The following HDAC5 variants were observed in gnomAD, a reference collection of about 807,000 sequenced individuals.
The protein encoded by HDAC5 is histone deacetylase 5, also known as antigen NY-CO-9.
Under a neutral mutation model 133.3 loss-of-function variants are expected in HDAC5, and 25 were observed. That is an observed-to-expected ratio of 0.19 (90% CI 0.14 to 0.26). HDAC5 has a LOEUF of 0.26. HDAC5 is among the 10% of genes least tolerant of loss of function. The pLI is 1.00. For synonymous variants in HDAC5, 589 were observed against 610.8 expected (o/e 0.96, Z 0.53); for missense variants, 1,041 against 1,460.5 (o/e 0.71, Z 4.68).
intron 2 of HDAC5, chr17:44,111,554 C>T (rs2052345916): frequency 2.0e-6 from 1 of 510,262 alleles, no homozygotes; most frequent in Non-Finnish European, 3.9e-6. Flanking sequence ...AGAAGCCAGA[C>T]TCAAGCCTCC....
intron 3 of HDAC5, among the ~76,000 whole-genome samples, chr17:44,099,546 C>T (rs903620400): frequency 6.6e-6 from 1 of 151,828 alleles, no homozygotes; most frequent in Non-Finnish European, 1.5e-5. Context: ...GCGATCTCGG[C>T]TCACTGCAAG....
intron 2 of HDAC5, among the ~76,000 whole-genome samples, chr17:44,116,201 G>A (rs2052636093): frequency 6.6e-6 from 1 of 152,230 alleles, no homozygotes; most frequent in Non-Finnish European, 1.5e-5. Flanking sequence ...ACAACTCAGA[G>A]GAAAGAAGTA....
rs1177505657 is a variant in HDAC5 at position 44,087,654 on chromosome 17, G to A, written c.1642C>T (p.His548Tyr). Reference protein sequence around the residue: ...TGELPRQPTTHPEETEEELTE... With the variant: ...TGELPRQPTTYPEETEEELTE... The stretch of plus-strand genomic sequence containing the variant: ...AGCTCCTCCTCTGTCTCCTCAGGGT[G>A]GGTGGTGGGCTGCCTGGGCAGCTCC... The change falls in exon 13 of 27, where the codon CAC (histidine) becomes TAC (tyrosine). Residue 548 changes from histidine (H) to tyrosine (Y), a missense_variant. His to Tyr is a moderately conservative substitution (Grantham distance 83, BLOSUM62 2). Around this residue, in one of 9 missense-constraint regions of HDAC5, gnomAD observed 433 missense variants for 531.6 expected, o/e 0.81. Coordinates refer to ENST00000682912, the MANE Select transcript of HDAC5 (RefSeq NM_005474.5). 5.0e-6 allele frequency: 8 copies of A among 1,610,700 alleles called. No homozygotes were observed. The highest frequency in any genetic ancestry group is 6.8e-6 in the Non-Finnish European group (8 of 1,178,172).
intron 14 of HDAC5, chr17:44,085,422 C>G (rs2050600230): frequency 3.4e-6 from 1 of 297,718 alleles, no homozygotes; most frequent in Non-Finnish European, 6.2e-6. Flanking sequence ...CAGCCTCAAC[C>G]ACTGCCCCCA....
chr17:44,123,251 T>A, intron 1 of HDAC5: 1 of 297,124 alleles, frequency 3.4e-6, no homozygotes, highest in Non-Finnish European at 6.2e-6. Flanking sequence ...GCCCCTCCCT[T>A]ACCTGTAGGG....
At chr17:44,122,262 A>G (rs558681136) in intron 1 of HDAC5, among the ~76,000 whole-genome samples, 18 of 152,230 alleles carry the variant, frequency 1.2e-4, no homozygotes, top group Non-Finnish European at 2.2e-4. Context: ...ATCCTCTGAA[A>G]CTAAGAGGAA....
intron 3 of HDAC5, among the ~76,000 whole-genome samples, chr17:44,098,969 A>T (rs2051426711): frequency 6.6e-6 from 1 of 151,942 alleles, no homozygotes; most frequent in South Asian, 2.1e-4. Flanking sequence ...TTACAAAATT[A>T]GCCGGGTGTG....
intron 2 of HDAC5, among the ~76,000 whole-genome samples, chr17:44,115,545 A>G (rs1362217773): frequency 6.6e-6 from 1 of 152,192 alleles, no homozygotes; most frequent in East Asian, 1.9e-4. Flanking sequence ...AGCAGACGCT[A>G]GGCCCCTCAG....
intron 3 of HDAC5, among the ~76,000 whole-genome samples, chr17:44,095,075 G>C (rs530801246): frequency 6.6e-6 from 1 of 152,112 alleles, no homozygotes; most frequent in African/African-American, 2.4e-5. Flanking sequence ...GATTATAGGC[G>C]TGAGCCACTG....
At chr17:44,096,543 G>A (rs573172803) in intron 3 of HDAC5, among the ~76,000 whole-genome samples, 6 of 149,200 alleles carry the variant, frequency 4.0e-5, no homozygotes, top group African/African-American at 1.5e-4. Context: ...GCACAATCTC[G>A]GCTCACTGCA....
chr17:44,078,637 G>C lies in HDAC5; in HGVS notation c.3192C>G (p.Phe1064Leu). ...QSKHWSCVQK[F>L]AAGLGRSLRE... ...GCAGGGACCGGCCCAGACCAGCGGC[G>C]AACTTCTGCACACAGCTCCAGTGTT... Residue 1064 changes from phenylalanine to leucine, a missense_variant, in exon 26 of 27, where the codon TTC becomes TTG. Transcript: ENST00000682912. 6.2e-7 allele frequency: 1 copy of C among 1,606,094 alleles called. No homozygotes were observed. Among genetic ancestry groups the C allele is most frequent in the Non-Finnish European group, 8.5e-7 (1 of 1,179,502 alleles).
At chr17:44,121,435 TC>T (rs555281113) in intron 1 of HDAC5, among the ~76,000 whole-genome samples, 1,081 of 76,956 alleles carry the variant, frequency 0.014, 20 homozygotes, top group African/African-American at 0.051. Context: ...GTCTCCCCCT[TC>T]CCCCCCCTAC....
chr17:44,078,316 T>A lies in HDAC5; in HGVS notation c.*60A>T. On this transcript the variant is annotated 3_prime_UTR_variant, in exon 27 of 27. Transcript: ENST00000682912. ...TTGTTGAATGTGTGACTTTTTGTTT[T>A]TAATAGAAAAAATAAACAAAATCAC... The A allele has an allele frequency of 6.7e-7, 1 of 1,481,544 alleles. No individual in the cohort carries two copies. Among genetic ancestry groups the A allele is most frequent in the Non-Finnish European group, 9.0e-7 (1 of 1,115,476 alleles). The allele number at this position is 1,481,544 out of a possible 1,614,324, so 91.8% of individuals were successfully genotyped here. A position where few individuals can be genotyped will look rare whatever the true frequency, so the allele number is the denominator to read the frequency against.
At chr17:44,083,391 T>C (rs2050490262) in intron 18 of HDAC5, among the ~76,000 whole-genome samples, 154 bp downstream of exon 18, 1 of 152,196 alleles carries the variant, frequency 6.6e-6, no homozygotes, top group African/African-American at 2.4e-5. Flanking sequence ...ATAACCTGAA[T>C]TCCCAGCTGG....
At position 44,093,120 on chromosome 17, in the gene HDAC5, G is replaced by A; in HGVS notation, c.613C>T (p.His205Tyr). 1.9e-6 allele frequency: 3 copies of A among 1,613,524 alleles called. No homozygotes were observed. The highest frequency in any genetic ancestry group is 2.5e-6 in the Non-Finnish European group (3 of 1,179,680). ...CATTTGGGGTGCTGTGGGAGGGAAT[G>A]GTTGAGGCCGCCTGGTGTGGGCTCC... Reference protein sequence around the residue: ...SKEPTPGGLNHSLPQHPKCWG... With the variant: ...SKEPTPGGLNYSLPQHPKCWG... Residue 205 changes from histidine to tyrosine, a missense_variant, in exon 6 of 27, where the codon CAT (histidine) becomes TAT (tyrosine). Around this residue, in one of 9 missense-constraint regions of HDAC5, gnomAD observed 109 missense variants for 168.0 expected, o/e 0.65. Coordinates refer to ENST00000682912, the MANE Select transcript of HDAC5 (RefSeq NM_005474.5).
chr17:44,103,172 A>G (rs2051726008), intron 3 of HDAC5, among the ~76,000 whole-genome samples: 1 of 152,094 alleles, frequency 6.6e-6, no homozygotes, highest in South Asian at 2.1e-4. Flanking sequence ...GGCGGAGAAC[A>G]ACATTTCACA....
intron 2 of HDAC5, among the ~76,000 whole-genome samples, chr17:44,112,584 T>C (rs2143584868): frequency 6.6e-6 from 1 of 152,258 alleles, no homozygotes; most frequent in East Asian, 1.9e-4. Context: ...CCTCACCCTC[T>C]TGTTGGGAGC....
In HDAC5 at chr17:44,117,863, G is replaced by A. The variant is rs2052743611; in HGVS notation, c.-189-159C>T. Among the ~76,000 whole-genome samples the A allele has an allele frequency of 6.6e-6, 1 of 152,158 alleles. No homozygotes were observed. The highest frequency in any genetic ancestry group is 1.5e-5 in the Non-Finnish European group (1 of 68,012). On this transcript the variant is annotated intron_variant, in intron 1 of 26. Transcript: ENST00000682912. The surrounding 1 kb of genome is among the most constrained non-coding windows in gnomAD (Gnocchi z 4.2). Reference sequence around the variant, plus strand: ...AAATCTGCAGAACTGGATAGACCCTGGTTTCTTATCTTACTAACTGATGAG... The same window carrying A: ...AAATCTGCAGAACTGGATAGACCCTAGTTTCTTATCTTACTAACTGATGAG...
intron 7 of HDAC5, 72 bp downstream of exon 7, chr17:44,092,604 T>G: frequency 1.9e-6 from 3 of 1,551,672 alleles, no homozygotes; most frequent in Non-Finnish European, 2.6e-6. Flanking sequence ...GGGTCAGGGC[T>G]GACACTGCCA....
Sources: gnomAD v4.1 joint callset for allele counts (sites outside exome capture counted in the v4.1 genomes callset) on GRCh38, gnomAD v4.1.1 for gene constraint, gnomAD v4.1.1 regional missense constraint, Gnocchi (gnomAD v3.1) non-coding constraint, MANE v1.5 for transcripts, NCBI Gene and HGNC (gene_info 2026-07-23, HGNC 2026-07-21) for gene names.